The following PLXNA1 variants were observed in gnomAD, a reference collection of about 807,000 sequenced individuals.
The protein encoded by PLXNA1 is plexin A1.
PLXNA1 carries 77 observed loss-of-function variants against 191.7 expected under a neutral mutation model. The ratio of observed to expected loss-of-function variants is 0.40; its 90% CI spans 0.33 to 0.49. The LOEUF is 0.49. Among genes scored for constraint, PLXNA1 ranks in the 20% least tolerant of loss-of-function variants. PLXNA1 has a pLI of 0.63. For synonymous variants in PLXNA1, 1,137 were observed against 1,156.4 expected (o/e 0.98, Z 0.34); for missense variants, 2,110 against 2,660.2 (o/e 0.79, Z 4.55).
At chr3:126,989,861 A>T in intron 2 of PLXNA1, 74 bp downstream of exon 2, 1 of 1,281,256 alleles carries the variant, frequency 7.8e-7, no homozygotes, top group Non-Finnish European at 1.1e-6. Context: ...TGTCAGATGC[A>T]CGCCCAGTGG....
intron 26 of PLXNA1, 56 bp from the exon 27 acceptor site, chr3:127,029,384 C>T: frequency 1.3e-6 from 2 of 1,543,254 alleles, no homozygotes; most frequent in Non-Finnish European, 1.8e-6. Context: ...GAGTGGGAGC[C>T]TGGTGGTGCA....
At chr3:126,997,392 G>A (rs1400527252) in intron 3 of PLXNA1, among the ~76,000 whole-genome samples, 2 of 152,202 alleles carry the variant, frequency 1.3e-5, no homozygotes, top group African/African-American at 4.8e-5. Flanking sequence ...GCAGCATGTG[G>A]GGTCAATGGG....
intron 9 of PLXNA1, 106 bp downstream of exon 9, chr3:127,008,019 G>C (rs1463978456): frequency 4.5e-6 from 3 of 672,586 alleles, no homozygotes; most frequent in East Asian, 2.8e-5. Context: ...GAGCACCTGT[G>C]GATGTCTGGG....
chr3:127,029,633 G>T (rs2079196447), intron 27 of PLXNA1, 97 bp downstream of exon 27: 1 of 1,332,044 alleles, frequency 7.5e-7, no homozygotes, highest in Non-Finnish European at 1.1e-6. Context: ...CGGACGGGAG[G>T]ACCCAGGGGC....
At chr3:126,991,276 C>A (rs1192996472) in intron 2 of PLXNA1, 108 bp from the exon 3 acceptor site, 4 of 1,273,914 alleles carry the variant, frequency 3.1e-6, no homozygotes, top group African/African-American at 1.5e-5. Flanking sequence ...TGGGGGCTAC[C>A]CCCAACCTCT....
chr3:127,011,916 G>T, intron 9 of PLXNA1, 42 bp from the exon 10 acceptor site: 2 of 1,580,422 alleles, frequency 1.3e-6, no homozygotes, highest in Non-Finnish European at 1.7e-6. Context: ...CTTGCTCACT[G>T]GTCTCCGCCC....
intron 1 of PLXNA1, among the ~76,000 whole-genome samples, chr3:126,985,519 CA>C (rs540756788): frequency 5.7e-4 from 87 of 152,100 alleles, no homozygotes; most frequent in Middle Eastern, 3.4e-3. Flanking sequence ...CACGAATGCC[CA>C]CCCTCCTGCA....
intron 1 of PLXNA1, among the ~76,000 whole-genome samples, chr3:126,986,886 T>G (rs759266129): frequency 1.3e-4 from 20 of 152,296 alleles, no homozygotes; most frequent in Admixed American, 5.9e-4. Flanking sequence ...GCATCCATCT[T>G]CAGGCCTCAG....
At chr3:127,020,496 G>C in intron 21 of PLXNA1, 152 bp downstream of exon 21, 1 of 981,902 alleles carries the variant, frequency 1.0e-6, no homozygotes, top group Non-Finnish European at 1.5e-6. Flanking sequence ...TCAGCCAAGT[G>C]GGGAGCAGGT....
At position 127,018,378 on chromosome 3, in the gene PLXNA1, A is replaced by G; in HGVS notation, c.3745A>G (p.Ile1249Val). ...SLLTLPAIVGIGGGGGLLLLV... is the reference protein window; with the variant it reads ...SLLTLPAIVGVGGGGGLLLLV... ...GCTGACGCTGCCTGCCATTGTGGGC[A>G]TTGGCGGAGGCGGGGGTCTCCTGCT... The change falls in exon 20 of 32, where the codon ATT becomes GTT. Residue 1249 changes from isoleucine to valine, a missense_variant. Ile to Val is a conservative substitution (Grantham distance 29). Coordinates refer to ENST00000393409, the MANE Select transcript of PLXNA1 (RefSeq NM_032242.4). The G allele has an allele frequency of 1.2e-6, 2 of 1,613,020 alleles. No homozygotes were observed. The highest frequency in any genetic ancestry group is 1.7e-6 in the Non-Finnish European group (2 of 1,179,956).
chr3:127,026,220 T>G (rs1177813913), intron 23 of PLXNA1, among the ~76,000 whole-genome samples: 1 of 152,186 alleles, frequency 6.6e-6, no homozygotes, highest in East Asian at 1.9e-4. Flanking sequence ...CTTTGCAGCC[T>G]CTAGGCTGGC....
At chr3:127,002,165 G>GGCCATGGCCCTGCA (rs1251899972) in intron 3 of PLXNA1, among the ~76,000 whole-genome samples, 1 of 152,252 alleles carries the variant, frequency 6.6e-6, no homozygotes, top group African/African-American at 2.4e-5. Flanking sequence ...AGAGGCCGTG[G>GGCCATGGCCCTGCA]GCCATGGCCC....
At chr3:126,987,716 A>T (rs2078966065) in intron 1 of PLXNA1, among the ~76,000 whole-genome samples, 1 of 151,328 alleles carries the variant, frequency 6.6e-6, no homozygotes, top group Non-Finnish European at 1.5e-5. Flanking sequence ...GGTGGCTTGG[A>T]TAGAGTGCTG....
intron 3 of PLXNA1, among the ~76,000 whole-genome samples, chr3:127,002,436 G>A (rs377606231): frequency 3.8e-3 from 584 of 152,344 alleles, no homozygotes; most frequent in South Asian, 9.9e-3. Context: ...CAGGGCTTTC[G>A]CTGGGCCCTG....
chr3:127,004,045 G>A (rs1020913893), intron 4 of PLXNA1, among the ~76,000 whole-genome samples: 1 of 152,242 alleles, frequency 6.6e-6, no homozygotes, highest in African/African-American at 2.4e-5. Flanking sequence ...TGGGGCAGGT[G>A]GGGCCAGGTT....
chr3:127,031,248 C>T (rs2079209215), intron 29 of PLXNA1, among the ~76,000 whole-genome samples: 1 of 152,230 alleles, frequency 6.6e-6, no homozygotes, highest in African/African-American at 2.4e-5. Flanking sequence ...ACTGTAGCCA[C>T]ACCCTAGCCC....
chr3:127,032,315 G>A, intron 29 of PLXNA1, 72 bp from the exon 30 acceptor site: 1 of 1,473,246 alleles, frequency 6.8e-7, no homozygotes, highest in Non-Finnish European at 9.3e-7. Context: ...TTCGGAGCTG[G>A]GAGGGCCACA....
At chr3:127,032,969 C>T (rs2079219978) in intron 31 of PLXNA1, 133 bp downstream of exon 31, 1 of 952,040 alleles carries the variant, frequency 1.1e-6, no homozygotes, top group Non-Finnish European at 1.5e-6. Context: ...CTCCTCTGCA[C>T]CCTCTGGCCA....
intron 27 of PLXNA1, 63 bp downstream of exon 27, chr3:127,029,599 C>G (rs1163825631): frequency 7.2e-6 from 11 of 1,535,998 alleles, no homozygotes; most frequent in Non-Finnish European, 9.9e-6. Flanking sequence ...CAGGACGTCC[C>G]CCGGGCTCCC....
Sources: gnomAD v4.1 joint callset for allele counts (sites outside exome capture counted in the v4.1 genomes callset) on GRCh38, gnomAD v4.1.1 for gene constraint, MANE v1.5 for transcripts, NCBI Gene and HGNC (gene_info 2026-07-23, HGNC 2026-07-21) for gene names.